CPEB2: variants seen among roughly 807,000 people sequenced by gnomAD.
CPEB2 encodes cytoplasmic polyadenylation element binding protein 2.
CPEB2 carries 56 observed loss-of-function variants against 93.6 expected under a neutral mutation model. That is an observed-to-expected ratio of 0.60 (90% CI 0.48 to 0.75). The LOEUF (loss-of-function observed/expected upper bound fraction) is 0.75. CPEB2 is among the 30% of genes least tolerant of loss of function. The pLI is 0.00. For missense variants in CPEB2, 1,579 were observed against 1,395.1 expected (o/e 1.13, Z -2.10); for synonymous variants, 764 against 586.3 (o/e 1.30, Z -4.38).
At chr4:15,065,671 T>C (rs1729633643) in intron 11 of CPEB2, among the ~76,000 whole-genome samples, 1 of 152,102 alleles carries the variant, frequency 6.6e-6, no homozygotes, top group African/African-American at 2.4e-5. Context: ...TACAGAAGTC[T>C]AGGCATGCCC....
chr4:15,030,214 T>G (rs1171753924), intron 4 of CPEB2, among the ~76,000 whole-genome samples: 1 of 152,080 alleles, frequency 6.6e-6, no homozygotes, highest in East Asian at 1.9e-4. Context: ...CTATAGAATA[T>G]TCTGTGAATT....
rs761153360 is a variant in CPEB2, at chr4:15,008,380, C to T, written c.1987C>T (p.Leu663Phe). Residue 663 changes from leucine (L) to phenylalanine (F), a missense_variant, in exon 3 of 12, where the codon CTC becomes TTC. This residue lies in a region of CPEB2 where 1,411 missense variants were observed against 1,056.0 expected (regional missense o/e 1.34). Coordinates refer to ENST00000538197, the MANE Select transcript of CPEB2 (RefSeq NM_001177382.2). ...LQLPAWGSDS[L>F]QDSWCTAAGT... ...GTTGCCAGCTTGGGGCTCAGATTCA[C>T]TCCAAGATAGTTGGTGCACTGCAGC... is the stretch of plus-strand genomic sequence containing the variant. The T allele has an allele frequency of 1.2e-6, 2 of 1,613,828 alleles. No individual in the cohort carries two copies. The highest frequency in any genetic ancestry group is 2.7e-5 in the African/African-American group (2 of 74,896).
At chr4:15,055,179 T>A (rs1728596347) in intron 8 of CPEB2, among the ~76,000 whole-genome samples, 1 of 152,150 alleles carries the variant, frequency 6.6e-6, no homozygotes. Context: ...TTCACATAGT[T>A]TTTTAGATAA....
intron 1 of CPEB2, among the ~76,000 whole-genome samples, chr4:15,006,193 G>C (rs1722793232): frequency 6.6e-6 from 1 of 152,160 alleles, no homozygotes; most frequent in Admixed American, 6.5e-5. Flanking sequence ...AGAGGAAAGA[G>C]TAATAATATA....
At chr4:15,062,620 T>C (rs1729304391) in intron 11 of CPEB2, among the ~76,000 whole-genome samples, 1 of 152,084 alleles carries the variant, frequency 6.6e-6, no homozygotes, top group Non-Finnish European at 1.5e-5. Context: ...TGCCTCTTTT[T>C]CCTCACTTGT....
intron 8 of CPEB2, among the ~76,000 whole-genome samples, chr4:15,057,563 C>T (rs1728831107): frequency 6.6e-6 from 1 of 152,166 alleles, no homozygotes; most frequent in African/African-American, 2.4e-5. Flanking sequence ...TTATAGCTAT[C>T]ACCTGCTGGG....
chr4:15,031,945 C>T (rs1726152864), intron 4 of CPEB2, among the ~76,000 whole-genome samples: 1 of 152,036 alleles, frequency 6.6e-6, no homozygotes, highest in African/African-American at 2.4e-5. Context: ...CTGTAGAGGA[C>T]TTGCTGAGGT....
At chr4:15,056,336 T>G (rs1728711867) in intron 8 of CPEB2, among the ~76,000 whole-genome samples, 1 of 152,164 alleles carries the variant, frequency 6.6e-6, no homozygotes, top group African/African-American at 2.4e-5. Flanking sequence ...AGAAATTGTT[T>G]GGATGGAGAA....
At chr4:15,025,864 C>T (rs976647813) in intron 4 of CPEB2, among the ~76,000 whole-genome samples, 5 of 152,040 alleles carry the variant, frequency 3.3e-5, no homozygotes, top group Non-Finnish European at 7.4e-5. Context: ...TACCATTCAA[C>T]CATTCACATT....
intron 5 of CPEB2, 96 bp downstream of exon 5, chr4:15,033,307 C>T: frequency 2.6e-6 from 2 of 780,020 alleles, no homozygotes; most frequent in South Asian, 1.5e-5. Context: ...ACAATTTAAT[C>T]ATTCTATGAG....
At chr4:15,009,358 C>G (rs993439278) in intron 3 of CPEB2, among the ~76,000 whole-genome samples, 1 of 152,220 alleles carries the variant, frequency 6.6e-6, no homozygotes, top group Non-Finnish European at 1.5e-5. Flanking sequence ...TAATCAACCA[C>G]TAACAATTGT....
At position 15,003,663 on chromosome 4, in the gene CPEB2, C is replaced by G; in HGVS notation, c.990C>G (p.Pro330=). 1 of 1,469,830 alleles carries G rather than the reference C, an allele frequency of 6.8e-7. No homozygotes were observed. Among genetic ancestry groups the G allele is most frequent in the Non-Finnish European group, 9.0e-7 (1 of 1,113,736 alleles). The allele number at this position is 1,469,830 out of a possible 1,614,324, so 91.0% of individuals were successfully genotyped here. ...TCAACAGTCCCAGTAACCTCCTGCC[C>G]GGAGGTGCGCTTGGCGCGGGCGCCT... is the stretch of plus-strand genomic sequence containing the variant. The part of the protein sequence containing the change: ...PLLNSPSNLL[P]GGALGAGAFS... The change falls in exon 1 of 12, where the codon CCC becomes CCG. Residue 330 remains proline (P), a synonymous_variant. Transcript: ENST00000538197.
rs141497444 is a variant in CPEB2 at position 15,067,071 on chromosome 4, AC to A, written c.*692del. ...GCATTGCAGATAAAATGCAGGCAGCACAATATGGCCTAAACTGCCATAGTTT... is the reference window on the plus strand; with the variant it reads ...GCATTGCAGATAAAATGCAGGCAGCAAATATGGCCTAAACTGCCATAGTTT... On this transcript the variant is annotated 3_prime_UTR_variant, in exon 12 of 12. Transcript: ENST00000538197. The A allele has an allele frequency of 6.5e-6, 1 of 152,756 alleles. No homozygotes were observed. Among genetic ancestry groups the A allele is most frequent in the African/African-American group, 2.4e-5 (1 of 41,562 alleles). 9.5% of individuals were successfully genotyped at this position (152,756 alleles called of 1,614,324 possible).
intron 8 of CPEB2, among the ~76,000 whole-genome samples, chr4:15,056,007 A>T (rs1728683224): frequency 1.3e-5 from 2 of 152,334 alleles, no homozygotes; most frequent in Non-Finnish European, 2.9e-5. Flanking sequence ...CCTAGCACTC[A>T]TCACAGTTGC....
intron 7 of CPEB2, 72 bp from the exon 8 acceptor site, chr4:15,054,056 G>C: frequency 1.0e-6 from 1 of 966,744 alleles, no homozygotes; most frequent in Non-Finnish European, 1.6e-6. Context: ...AATCTTCATA[G>C]TAACAGTACA....
chr4:15,045,854 T>G (rs1271153664), intron 6 of CPEB2, among the ~76,000 whole-genome samples: 1 of 152,150 alleles, frequency 6.6e-6, no homozygotes, highest in Admixed American at 6.5e-5. Flanking sequence ...CTTTTAAATA[T>G]TTATAAGTAT....
intron 4 of CPEB2, among the ~76,000 whole-genome samples, chr4:15,031,735 A>G (rs1268485017): frequency 6.6e-6 from 1 of 152,218 alleles, no homozygotes; most frequent in African/African-American, 2.4e-5. Flanking sequence ...TACAGGAAAC[A>G]TGTTTGGGTA....
intron 10 of CPEB2, among the ~76,000 whole-genome samples, chr4:15,059,622 T>C (rs1313595071): frequency 6.6e-6 from 1 of 152,170 alleles, no homozygotes; most frequent in African/African-American, 2.4e-5. Context: ...GGGGTCTGTT[T>C]ATTTTGTGTA....
At chr4:15,046,909 A>G (rs1727758441) in intron 6 of CPEB2, among the ~76,000 whole-genome samples, 1 of 152,310 alleles carries the variant, frequency 6.6e-6, no homozygotes, top group South Asian at 2.1e-4. Context: ...AAGAAATTCT[A>G]GTTTCGTTGT....
Sources: allele counts gnomAD v4.1 joint callset (sites outside exome capture counted in the v4.1 genomes callset), GRCh38; gene constraint gnomAD v4.1.1; regional missense constraint gnomAD v4.1.1; transcripts MANE v1.5; gene names NCBI Gene and HGNC (gene_info 2026-07-23, HGNC 2026-07-21).